PTPRD: variants seen among roughly 807,000 people sequenced by gnomAD.
PTPRD encodes the protein receptor-type tyrosine-protein phosphatase delta.
A neutral mutation model predicts 214.5 loss-of-function variants in PTPRD; 34 were observed. The observed-to-expected ratio is 0.16, with a 90% confidence interval of 0.12 to 0.21. PTPRD has a LOEUF of 0.21. Among genes scored for constraint, PTPRD ranks in the 10% least tolerant of loss-of-function variants. The pLI is 1.00. For missense variants in PTPRD, 2,545 were observed against 2,398.7 expected, an observed-to-expected ratio of 1.06 and a Z score of -1.27; for synonymous variants, 1,128 against 845.7, an observed-to-expected ratio of 1.33 and a Z score of -5.79.
intron 3 of PTPRD, among the ~76,000 whole-genome samples, chr9:10,089,794 G>C (rs1411959936): frequency 6.6e-6 from 1 of 151,556 alleles, no homozygotes; most frequent in East Asian, 1.9e-4. Flanking sequence ...AAATGAACTA[G>C]GTGACGGGCA....
chr9:9,003,143 G>C (rs992123364), intron 11 of PTPRD, among the ~76,000 whole-genome samples: 1 of 151,986 alleles, frequency 6.6e-6, no homozygotes, highest in Admixed American at 6.6e-5. Flanking sequence ...ATTATTGAAA[G>C]GTTTATTTTA....
At chr9:8,430,151 C>G (rs1294398882) in intron 35 of PTPRD, among the ~76,000 whole-genome samples, 3 of 152,154 alleles carry the variant, frequency 2.0e-5, no homozygotes, top group African/African-American at 7.2e-5. Context: ...TGATTTGGGA[C>G]AGTATTTCTA....
chr9:8,385,746 C>T (rs1375148104), intron 37 of PTPRD, among the ~76,000 whole-genome samples: 1 of 152,084 alleles, frequency 6.6e-6, no homozygotes, highest in Admixed American at 6.6e-5. Flanking sequence ...AATGTAGCAG[C>T]CGGAATGTTC....
chr9:8,905,701 TGCA>T (rs1182277951), intron 11 of PTPRD, among the ~76,000 whole-genome samples: 1 of 144,834 alleles, frequency 6.9e-6, no homozygotes, highest in Non-Finnish European at 1.5e-5. Context: ...ATCACGCCAC[TGCA>T]TTCCAGCCTG....
chr9:8,343,038 G>T (rs1489897495), intron 39 of PTPRD, among the ~76,000 whole-genome samples: 1 of 152,060 alleles, frequency 6.6e-6, no homozygotes, highest in Non-Finnish European at 1.5e-5. Context: ...CCTTTGCAAC[G>T]AAGATACCAG....
chr9:9,004,058 A>T (rs191085705), intron 11 of PTPRD, among the ~76,000 whole-genome samples: 3 of 152,164 alleles, frequency 2.0e-5, no homozygotes, highest in Non-Finnish European at 4.4e-5. Context: ...TTTCTCCTTT[A>T]GATAAATCTT....
intron 11 of PTPRD, among the ~76,000 whole-genome samples, chr9:8,778,248 G>A (rs1365970222): frequency 6.6e-6 from 1 of 152,156 alleles, no homozygotes; most frequent in Non-Finnish European, 1.5e-5. Flanking sequence ...TCACTACAAT[G>A]AGCCAAAATT....
At chr9:9,850,351 T>C (rs754104534) in intron 5 of PTPRD, among the ~76,000 whole-genome samples, 13 of 152,086 alleles carry the variant, frequency 8.5e-5, no homozygotes, top group Non-Finnish European at 1.6e-4. Flanking sequence ...AACATGTAAA[T>C]GTTTGTTCTT....
chr9:9,400,503 T>C (rs982375364), intron 8 of PTPRD, among the ~76,000 whole-genome samples: 1 of 152,052 alleles, frequency 6.6e-6, no homozygotes, highest in Admixed American at 6.6e-5. Context: ...TGGATCTAAT[T>C]CGCTACCTTT....
intron 10 of PTPRD, among the ~76,000 whole-genome samples, chr9:9,147,152 C>G (rs940205842): frequency 2.6e-5 from 4 of 151,978 alleles, no homozygotes; most frequent in African/African-American, 9.7e-5. Flanking sequence ...AATTTCAAAA[C>G]TGGTTTACCA....
chr9:9,906,173 A>G (rs1466423938), intron 5 of PTPRD, among the ~76,000 whole-genome samples: 1 of 151,942 alleles, frequency 6.6e-6, no homozygotes, highest in Non-Finnish European at 1.5e-5. Flanking sequence ...AGGCTCTAGT[A>G]AGGAAAAGAA....
chr9:8,852,906 G>C (rs545135377), intron 11 of PTPRD, among the ~76,000 whole-genome samples: 1 of 152,176 alleles, frequency 6.6e-6, no homozygotes, highest in Non-Finnish European at 1.5e-5. Flanking sequence ...CATTTTGTGA[G>C]GGAGGAGGGA....
At chr9:9,614,972 T>C (rs1381310713) in intron 7 of PTPRD, among the ~76,000 whole-genome samples, 1 of 152,144 alleles carries the variant, frequency 6.6e-6, no homozygotes, top group Non-Finnish European at 1.5e-5. Flanking sequence ...TGTTAAGCTT[T>C]CTCAGTAGAA....
intron 9 of PTPRD, among the ~76,000 whole-genome samples, chr9:9,208,985 C>A: frequency 6.6e-6 from 1 of 151,782 alleles, no homozygotes; most frequent in Middle Eastern, 3.4e-3. Flanking sequence ...TTTTTTTGTG[C>A]TTTTAGTAGA....
chr9:9,508,802 T>C (rs2096630459), intron 8 of PTPRD, among the ~76,000 whole-genome samples: 1 of 151,622 alleles, frequency 6.6e-6, no homozygotes, highest in Non-Finnish European at 1.5e-5. Flanking sequence ...CTCCTATTCT[T>C]CAGGACGCAG....
chr9:9,423,114 T>A (rs996919167), intron 8 of PTPRD, among the ~76,000 whole-genome samples: 1 of 152,178 alleles, frequency 6.6e-6, no homozygotes, highest in Admixed American at 6.6e-5. Context: ...TTCTACTCCA[T>A]CTGCCTGCTA....
chr9:8,487,172 C>G (rs1160995976), intron 27 of PTPRD, among the ~76,000 whole-genome samples: 1 of 152,116 alleles, frequency 6.6e-6, no homozygotes, highest in African/African-American at 2.4e-5. Flanking sequence ...ATGTAAAAGT[C>G]TTAGCATGAG....
intron 2 of PTPRD, among the ~76,000 whole-genome samples, chr9:10,455,063 C>T (rs2130999710): frequency 6.6e-6 from 1 of 151,840 alleles, no homozygotes; most frequent in African/African-American, 2.4e-5. Context: ...CATCTCTCAA[C>T]TAACCTGTTA....
intron 9 of PTPRD, among the ~76,000 whole-genome samples, chr9:9,186,135 T>C (rs976813517): frequency 6.6e-6 from 1 of 152,114 alleles, no homozygotes; most frequent in African/African-American, 2.4e-5. Flanking sequence ...TGATAAATTC[T>C]CATGAACAGA....
Sources: gnomAD v4.1 joint callset for allele counts (sites outside exome capture counted in the v4.1 genomes callset) on GRCh38, gnomAD v4.1.1 for gene constraint, MANE v1.5 for transcripts, NCBI Gene and HGNC (gene_info 2026-07-23, HGNC 2026-07-21) for gene names.